The following PRKN variants were observed in gnomAD, a reference collection of about 807,000 sequenced individuals.
The protein encoded by PRKN is parkin RBR E3 ubiquitin protein ligase.
In PRKN, 56 loss-of-function variants were observed where a neutral mutation model predicts 59.5. The observed-to-expected ratio is 0.94, with a 90% CI of 0.76 to 1.18. The LOEUF is 1.18. PRKN is among the 50% of genes most tolerant of loss of function. PRKN has a pLI of 0.00. For synonymous variants in PRKN, 250 were observed against 222.1 expected (o/e 1.13, Z -1.12); for missense variants, 657 against 596.4 (o/e 1.10, Z -1.06).
chr6:162,233,079 C>T (rs1317355138), intron 3 of PRKN, among the ~76,000 whole-genome samples: 1 of 152,124 alleles, frequency 6.6e-6, no homozygotes, highest in Non-Finnish European at 1.5e-5. Flanking sequence ...ATGGAGACTT[C>T]TAAAAGAAAC....
At chr6:162,227,474 G>C (rs1172595296) in intron 3 of PRKN, among the ~76,000 whole-genome samples, 2 of 151,884 alleles carry the variant, frequency 1.3e-5, no homozygotes, top group Non-Finnish European at 2.9e-5. Context: ...TCCAATTATA[G>C]TTTAAATGTA....
intron 2 of PRKN, among the ~76,000 whole-genome samples, chr6:162,314,966 T>C (rs1036392162): frequency 8.5e-5 from 13 of 152,198 alleles, no homozygotes; most frequent in African/African-American, 2.9e-4. Context: ...CTTTGTGCTG[T>C]CTTCACAGTA....
chr6:161,514,822 T>C (rs1036492036), intron 9 of PRKN, among the ~76,000 whole-genome samples: 6 of 152,056 alleles, frequency 3.9e-5, no homozygotes, highest in Admixed American at 2.0e-4. Flanking sequence ...ACCCACCCCT[T>C]GAAAACTGCA....
At chr6:162,197,115 T>A (rs1450157322) in intron 4 of PRKN, among the ~76,000 whole-genome samples, 1 of 152,188 alleles carries the variant, frequency 6.6e-6, no homozygotes, top group East Asian at 1.9e-4. Flanking sequence ...GTATTTTTGT[T>A]CTTGATCAGA....
chr6:162,278,688 G>GT (rs1459591094), intron 2 of PRKN, among the ~76,000 whole-genome samples: 1 of 152,168 alleles, frequency 6.6e-6, no homozygotes, highest in Non-Finnish European at 1.5e-5. Context: ...AAATATCATT[G>GT]TATCGATGTT....
intron 4 of PRKN, among the ~76,000 whole-genome samples, chr6:162,180,613 T>C (rs188678492): frequency 6.6e-6 from 1 of 152,290 alleles, no homozygotes; most frequent in East Asian, 1.9e-4. Flanking sequence ...CCCAAACGAA[T>C]CTTTTCTCCT....
intron 6 of PRKN, among the ~76,000 whole-genome samples, chr6:161,883,700 A>G (rs1339759455): frequency 2.0e-5 from 3 of 151,964 alleles, no homozygotes; most frequent in Non-Finnish European, 4.4e-5. Flanking sequence ...CCCAGGCCAG[A>G]GCGCAGTGGT....
At chr6:162,608,822 G>A (rs772734274) in intron 1 of PRKN, among the ~76,000 whole-genome samples, 1 of 152,160 alleles carries the variant, frequency 6.6e-6, no homozygotes, top group Non-Finnish European at 1.5e-5. Flanking sequence ...CAAAACATGT[G>A]TGGGTGGTCA....
intron 4 of PRKN, among the ~76,000 whole-genome samples, chr6:162,110,182 G>T (rs1307500990): frequency 6.6e-6 from 1 of 152,178 alleles, no homozygotes; most frequent in Non-Finnish European, 1.5e-5. Context: ...GGAAAAGGTA[G>T]ATATGAATAC....
At chr6:161,709,587 C>T (rs535531042) in intron 7 of PRKN, among the ~76,000 whole-genome samples, 1 of 152,196 alleles carries the variant, frequency 6.6e-6, no homozygotes, top group African/African-American at 2.4e-5. Flanking sequence ...AATTGTGGGC[C>T]AACTGGGTAT....
At chr6:161,638,834 C>T (rs1051309595) in intron 7 of PRKN, among the ~76,000 whole-genome samples, 15 of 150,628 alleles carry the variant, frequency 1.0e-4, no homozygotes, top group Admixed American at 2.0e-4. Flanking sequence ...CTCCACCTCC[C>T]GGGCTCATGC....
chr6:161,680,645 G>C (rs1468050323), intron 7 of PRKN, among the ~76,000 whole-genome samples: 1 of 149,100 alleles, frequency 6.7e-6, no homozygotes, highest in Non-Finnish European at 1.5e-5. Context: ...TTCATCTCAG[G>C]GGGCAGAAAC....
chr6:162,727,315 A>AGGTGAGGGGCGGCGGCGGGGCGAC, intron 1 of PRKN: 6 of 347,810 alleles, frequency 1.7e-5, no homozygotes, highest in East Asian at 5.8e-5. Flanking sequence ...GGCGGGGCGA[A>AGGTGAGGGGCGGCGGCGGGGCGAC]GGTGAGGGGC....
intron 2 of PRKN, among the ~76,000 whole-genome samples, chr6:162,434,558 A>T (rs953939818): frequency 6.6e-6 from 1 of 152,168 alleles, no homozygotes; most frequent in African/African-American, 2.4e-5. Context: ...TCCCATTCCC[A>T]TTTAATTGTG....
intron 7 of PRKN, among the ~76,000 whole-genome samples, chr6:161,622,542 A>G (rs1276905102): frequency 6.6e-6 from 1 of 151,802 alleles, no homozygotes; most frequent in Non-Finnish European, 1.5e-5. Context: ...ATCCTCCCCC[A>G]CACTCTATGC....
rs192962414 is a variant in PRKN, at chr6:162,048,165, G to A, written c.618+5926C>T. On this transcript the variant is annotated intron_variant, in intron 5 of 11. Coordinates refer to ENST00000366898, the MANE Select transcript of PRKN (RefSeq NM_004562.3). ...AAATGTTATTTTACATAACACTTCAGGTAAATTCTGCCTCTCAAAAATAGA... is the reference window on the plus strand; with the variant it reads ...AAATGTTATTTTACATAACACTTCAAGTAAATTCTGCCTCTCAAAAATAGA... Among the ~76,000 whole-genome samples the A allele has an allele frequency of 3.9e-4, 59 of 152,108 alleles. No individual in the cohort carries two copies. The East Asian group carries it at 0.011, about 29-fold the overall frequency.
chr6:161,728,962 A>G (rs940446952), intron 7 of PRKN, among the ~76,000 whole-genome samples: 1 of 152,242 alleles, frequency 6.6e-6, no homozygotes, highest in African/African-American at 2.4e-5. Flanking sequence ...GCCTGCATTC[A>G]ACCAACATAA....
chr6:162,397,500 T>C (rs898090724), intron 2 of PRKN, among the ~76,000 whole-genome samples: 3 of 151,394 alleles, frequency 2.0e-5, no homozygotes, highest in Admixed American at 1.3e-4. Context: ...TGGAGGTAGA[T>C]GGAAATGCAG....
At chr6:161,724,025 T>C (rs866672287) in intron 7 of PRKN, among the ~76,000 whole-genome samples, 2 of 152,218 alleles carry the variant, frequency 1.3e-5, no homozygotes, top group South Asian at 2.1e-4. Context: ...TTTTAGAAAA[T>C]GTGGGAAGGT....
Sources: allele counts gnomAD v4.1 joint callset (sites outside exome capture counted in the v4.1 genomes callset), GRCh38; gene constraint gnomAD v4.1.1; transcripts MANE v1.5; gene names NCBI Gene and HGNC (gene_info 2026-07-23, HGNC 2026-07-21).